The following STUM variants were observed in gnomAD, a reference collection of about 807,000 sequenced individuals.
STUM encodes the protein protein stum homolog.
STUM carries 8 observed loss-of-function variants against 15.3 expected under a neutral mutation model. The observed-to-expected ratio is 0.52, with a 90% CI of 0.31 to 0.94. The LOEUF (loss-of-function observed/expected upper bound fraction) is 0.94. Ranked by LOEUF, STUM falls within the 40% of genes least tolerant of loss-of-function variation. The pLI is 0.05. For synonymous variants in STUM, 78 were observed against 88.7 expected, an observed-to-expected ratio of 0.88 and a Z score of 0.68; for missense variants, 142 against 204.9, an observed-to-expected ratio of 0.69 and a Z score of 1.87.
At chr1:226,597,063 C>A in intron 2 of STUM, 82 bp downstream of exon 2, 1 of 1,345,678 alleles carries the variant, frequency 7.4e-7, no homozygotes, top group Non-Finnish European at 1.1e-6. Flanking sequence ...TCATGTCTGG[C>A]CGAGGTCCTG....
In STUM at chr1:226,556,022, T is replaced by G. The variant is rs144100155; in HGVS notation, c.202+6916T>G. On this transcript the variant is annotated intron_variant, in intron 1 of 3. Coordinates refer to ENST00000366788, the MANE Select transcript of STUM (RefSeq NM_001003665.4). ...CATAAGATATATTTTCTTTTTTGCA[T>G]AGTAAGTTTTCAAATCCGGCGTATA... is the stretch of plus-strand genomic sequence containing the variant. 8.5e-5 allele frequency among the ~76,000 whole-genome samples: 13 copies of G among 152,320 alleles called. No individual in the cohort carries two copies. The East Asian group carries it at 2.5e-3, about 29-fold the overall frequency.
intron 1 of STUM, among the ~76,000 whole-genome samples, chr1:226,570,670 G>A (rs2102694670): frequency 6.6e-6 from 1 of 152,258 alleles, no homozygotes; most frequent in Middle Eastern, 3.4e-3. Context: ...TGCTTCCCCA[G>A]CACCTGGAGC....
chr1:226,557,152 C>T (rs1040237199), intron 1 of STUM, among the ~76,000 whole-genome samples: 6 of 152,218 alleles, frequency 3.9e-5, no homozygotes, highest in Admixed American at 2.6e-4. Context: ...CACCTCAGTG[C>T]CTGGCAACTA....
intron 1 of STUM, among the ~76,000 whole-genome samples, chr1:226,591,186 A>G (rs1461321574): frequency 6.6e-6 from 1 of 152,266 alleles, no homozygotes; most frequent in African/African-American, 2.4e-5. Flanking sequence ...TTTTTATATT[A>G]TAAATCCATT....
At chr1:226,555,773 A>G (rs911140127) in intron 1 of STUM, among the ~76,000 whole-genome samples, 4 of 152,208 alleles carry the variant, frequency 2.6e-5, no homozygotes, top group African/African-American at 9.6e-5. Context: ...AATGGCTCCC[A>G]TGTCACTCAA....
chr1:226,602,027 C>G lies in STUM; in HGVS notation c.413C>G (p.Pro138Arg). The change falls in exon 4 of 4, where the codon CCA (proline) becomes CGA (arginine). Residue 138 changes from proline (P) to arginine (R), a missense_variant. By Grantham distance (103) the Pro-to-Arg change is moderately radical. Around this residue, in one of 2 missense-constraint regions of STUM, gnomAD observed 29 missense variants for 70.5 expected, o/e 0.41. Coordinates refer to ENST00000366788, the MANE Select transcript of STUM (RefSeq NM_001003665.4). The part of the protein sequence containing the change: ...ISQGYKEQGI[P>R]QQL Reference sequence around the variant, plus strand: ...ACAGGCTACAAGGAGCAGGGCATCCCACAGCAGCTGTGAGCCCACGGGAGC... The same window carrying G: ...ACAGGCTACAAGGAGCAGGGCATCCGACAGCAGCTGTGAGCCCACGGGAGC... 6.2e-7 allele frequency: 1 copy of G among 1,608,418 alleles called. No homozygotes were observed.
At chr1:226,580,541 C>T (rs1222798530) in intron 1 of STUM, among the ~76,000 whole-genome samples, 1 of 151,916 alleles carries the variant, frequency 6.6e-6, no homozygotes, top group Non-Finnish European at 1.5e-5. Flanking sequence ...TTAAGTGTGC[C>T]CCACTCTCCC....
At position 226,575,828 on chromosome 1, in the gene STUM, C is replaced by T. The variant is rs981446366; in HGVS notation, c.203-20974C>T. On this transcript the variant is annotated intron_variant, in intron 1 of 3. Transcript: ENST00000366788. ...CAATAGATAGTCAGCCTTTCACATC[C>T]GCAGAGCCTTCTTTCCCTAATAGGA... Among the ~76,000 whole-genome samples the T allele has an allele frequency of 2.6e-5, 4 of 152,348 alleles. No homozygotes were observed. In the East Asian group the frequency reaches 5.8e-4, roughly 22 times the overall value.
rs1667617737 is a variant in STUM at position 226,565,911 on chromosome 1, C to A, written c.202+16805C>A. 6.6e-6 allele frequency among the ~76,000 whole-genome samples: 1 copy of A among 152,238 alleles called. No homozygotes were observed. The highest frequency in any genetic ancestry group is 1.5e-5 in the Non-Finnish European group (1 of 68,048). On this transcript the variant is annotated intron_variant, in intron 1 of 3. Transcript: ENST00000366788. The surrounding 1 kb of genome is among the most constrained non-coding windows in gnomAD (Gnocchi z 4.4). ...TTCATTTTGGAAGGTGCAACAGCTG[C>A]CCAGCCCATTGCTTGTGCCTGGGCT...
chr1:226,576,459 G>A (rs1667817294), intron 1 of STUM, among the ~76,000 whole-genome samples: 1 of 152,194 alleles, frequency 6.6e-6, no homozygotes, highest in South Asian at 2.1e-4. Context: ...GCTCCTGAGT[G>A]GCTGCTGTGT....
At chr1:226,584,694 C>G (rs1362168863) in intron 1 of STUM, among the ~76,000 whole-genome samples, 2 of 152,182 alleles carry the variant, frequency 1.3e-5, no homozygotes, top group Non-Finnish European at 2.9e-5. Context: ...CCTGGAAATC[C>G]AGGGGCTTCT....
intron 1 of STUM, among the ~76,000 whole-genome samples, chr1:226,594,977 G>C (rs10916012): frequency 1.3e-5 from 2 of 152,060 alleles, no homozygotes; most frequent in African/African-American, 4.8e-5. Context: ...CTTATGAGGG[G>C]AAGTTGGCTC....
rs539047811 is a variant in STUM, at chr1:226,577,376, G to T, written c.203-19426G>T. Among the ~76,000 whole-genome samples the T allele has an allele frequency of 7.9e-5, 12 of 152,208 alleles. 1 individual carries two copies. The highest frequency in any genetic ancestry group is 2.6e-4 in the African/African-American group (11 of 41,524). On this transcript the variant is annotated intron_variant, in intron 1 of 3. Coordinates refer to ENST00000366788, the MANE Select transcript of STUM (RefSeq NM_001003665.4). ...AAAAAAAAAAGTGAAATTGTACCCA[G>T]AAATCTAGTACAGCTCGAGACCATG...
intron 1 of STUM, among the ~76,000 whole-genome samples, chr1:226,588,828 G>A (rs1225630712): frequency 6.6e-6 from 1 of 152,208 alleles, no homozygotes; most frequent in African/African-American, 2.4e-5. Context: ...AATGGGTCCT[G>A]TTTCTTAGGG....
Position 226,607,120 on chromosome 1 carries a change from T to C in STUM, c.*5080T>C, listed in dbSNP as rs1458765499. 1 of 152,352 alleles carries C rather than the reference T, an allele frequency of 6.6e-6. No homozygotes were observed. The highest frequency in any genetic ancestry group is 1.5e-5 in the Non-Finnish European group (1 of 68,138). 9.4% of individuals were successfully genotyped at this position (152,352 alleles called of 1,614,324 possible). A position where few individuals can be genotyped will look rare whatever the true frequency, so the allele number is the denominator to read the frequency against. Reference sequence around the variant, plus strand: ...TCAGGGGAGGTGACTGTGGTCCTTCTGACCAGCTTGGATCTTTAAAATAAT... The same window carrying C: ...TCAGGGGAGGTGACTGTGGTCCTTCCGACCAGCTTGGATCTTTAAAATAAT... On this transcript the variant is annotated 3_prime_UTR_variant, in exon 4 of 4. Coordinates refer to ENST00000366788, the MANE Select transcript of STUM (RefSeq NM_001003665.4).
rs1668246880 is a variant in STUM at position 226,600,478 on chromosome 1, G to C, written c.383-188G>C. On this transcript the variant is annotated intron_variant, in intron 2 of 3. Transcript: ENST00000366788. This position sits in a 1 kb window ranked among gnomAD's most constrained non-coding sequence, Gnocchi z 5.2. The stretch of plus-strand genomic sequence containing the variant: ...CTGTGGCTGTCACCATGAGTACTGA[G>C]CACTCCCTGCCTGGGGATGGCGTCT... 1 of 669,516 alleles carries C rather than the reference G, an allele frequency of 1.5e-6. No individual in the cohort carries two copies. Among genetic ancestry groups the C allele is most frequent in the Non-Finnish European group, 2.6e-6 (1 of 380,048 alleles). The allele number at this position is 669,516 out of a possible 1,614,324, so 41.5% of individuals were successfully genotyped here.
chr1:226,575,876 C>G (rs1667801764), intron 1 of STUM, among the ~76,000 whole-genome samples: 1 of 152,220 alleles, frequency 6.6e-6, no homozygotes, highest in Admixed American at 6.5e-5. Flanking sequence ...TGACTTTCTC[C>G]CCAGAGCCTG....
At chr1:226,583,825 C>G (rs1158220334) in intron 1 of STUM, among the ~76,000 whole-genome samples, 1 of 152,200 alleles carries the variant, frequency 6.6e-6, no homozygotes, top group African/African-American at 2.4e-5. Flanking sequence ...AATTGCCCCT[C>G]TGCCCAAGAG....
intron 1 of STUM, among the ~76,000 whole-genome samples, chr1:226,577,512 C>T (rs922878899): frequency 6.6e-6 from 1 of 151,998 alleles, no homozygotes; most frequent in Non-Finnish European, 1.5e-5. Flanking sequence ...CACACACACA[C>T]ACACACACTC....
Sources: allele counts gnomAD v4.1 joint callset (sites outside exome capture counted in the v4.1 genomes callset), GRCh38; gene constraint gnomAD v4.1.1; regional missense constraint gnomAD v4.1.1; non-coding constraint Gnocchi (gnomAD v3.1); transcripts MANE v1.5; gene names NCBI Gene and HGNC (gene_info 2026-07-23, HGNC 2026-07-21).